KLF13: variants seen among roughly 807,000 people sequenced by gnomAD.
KLF13 encodes KLF transcription factor 13.
Under a neutral mutation model 16.7 loss-of-function variants are expected in KLF13, and 8 were observed. That is an observed-to-expected ratio of 0.48 (90% CI 0.28 to 0.87). The LOEUF is 0.87. Ranked by LOEUF, KLF13 falls within the 40% of genes least tolerant of loss-of-function variation. The pLI is 0.10. For missense variants in KLF13, 447 were observed against 452.2 expected (o/e 0.99, Z 0.10); for synonymous variants, 245 against 208.4 (o/e 1.18, Z -1.51).
rs571452339 is a variant in KLF13, at chr15:31,414,792, GAAGATCA to G, written n.118-20576_118-20570del. ...CTCTCAATGATAGAATGATTAGACA[GAAGATCA>G]ATAAAGAAGTAGAAGAAGACTTGAA... On this transcript the variant is annotated intron_variant and non_coding_transcript_variant, in intron 1 of 1. Transcript: ENST00000558225. Among the ~76,000 whole-genome samples the G allele has an allele frequency of 7.1e-3, 1,078 of 152,214 alleles. 5 individuals carry two copies. Among genetic ancestry groups the G allele is most frequent in the Non-Finnish European group, 0.011 (754 of 68,008 alleles).
chr15:31,397,344 G>A (rs1172786892), intron 2 of KLF13, among the ~76,000 whole-genome samples: 11 of 152,350 alleles, frequency 7.2e-5, no homozygotes, highest in Non-Finnish European at 1.3e-4. Context: ...ATTACCGGGA[G>A]AATAATTACG....
intron 1 of KLF13, chr15:31,340,046 G>T: frequency 5.7e-6 from 4 of 702,384 alleles, no homozygotes; most frequent in Non-Finnish European, 1.0e-5. Flanking sequence ...GACCCAGGTT[G>T]CCCTGGTGGG....
chr15:31,402,247 G>A (rs2140993033), intron 2 of KLF13, among the ~76,000 whole-genome samples: 1 of 152,310 alleles, frequency 6.6e-6, no homozygotes, highest in South Asian at 2.1e-4. Context: ...GAGCCCTCTG[G>A]GAGAAGATGT....
exon 2 of KLF13, chr15:31,393,638 G>A (rs1030972955): frequency 5.9e-5 from 9 of 152,600 alleles, no homozygotes; most frequent in African/African-American, 2.2e-4. Flanking sequence ...CAAGACCAGA[G>A]AGGAAGCAAA....
intron 2 of KLF13, among the ~76,000 whole-genome samples, chr15:31,401,028 G>A (rs1220360580): frequency 6.6e-6 from 1 of 151,792 alleles, no homozygotes; most frequent in African/African-American, 2.4e-5. Context: ...TTTTGAGATG[G>A]GGTTTTGCTT....
chr15:31,369,427 C>T (rs2039523538), intron 1 of KLF13, among the ~76,000 whole-genome samples: 1 of 152,238 alleles, frequency 6.6e-6, no homozygotes, highest in Non-Finnish European at 1.5e-5. Flanking sequence ...CCCCTAGAAC[C>T]GAGCTTGGCT....
At chr15:31,417,493 TC>T (rs751732223) in intron 1 of KLF13, among the ~76,000 whole-genome samples, 4 of 147,006 alleles carry the variant, frequency 2.7e-5, no homozygotes, top group Non-Finnish European at 4.4e-5. Context: ...AGACTCTGTC[TC>T]AAATAAAATA....
At chr15:31,426,065 C>T (rs1301633946) in intron 1 of KLF13, among the ~76,000 whole-genome samples, 1 of 152,180 alleles carries the variant, frequency 6.6e-6, no homozygotes, top group Non-Finnish European at 1.5e-5. Context: ...GTCACCTTTA[C>T]TCCAGTTCCC....
chr15:31,414,923 A>G (rs1227254535), intron 1 of KLF13, among the ~76,000 whole-genome samples: 2 of 152,170 alleles, frequency 1.3e-5, no homozygotes, highest in African/African-American at 2.4e-5. Flanking sequence ...TTGATCCACA[A>G]TGTTGGAAGT....
At chr15:31,408,272 A>G (rs561547308), downstream of KLF13, among the ~76,000 whole-genome samples, 4 of 152,328 alleles carry the variant, frequency 2.6e-5, no homozygotes, top group African/African-American at 9.6e-5. Context: ...TAAAAGATGA[A>G]TTGTTTCTCA....
At chr15:31,360,840 A>G (rs1046591561) in intron 1 of KLF13, among the ~76,000 whole-genome samples, 1 of 152,158 alleles carries the variant, frequency 6.6e-6, no homozygotes, top group Non-Finnish European at 1.5e-5. Flanking sequence ...TTGTTTCGTT[A>G]TATTCTGCTG....
rs11537748 is a variant in KLF13, at chr15:31,376,491, A to G, written c.*4192A>G. 0.45 allele frequency: 68,668 copies of G among 152,364 alleles called. 15,593 individuals carry two copies. The highest frequency in any genetic ancestry group is 0.5 in the African/African-American group (20,643 of 41,476). 9.4% of individuals were successfully genotyped at this position (152,364 alleles called of 1,614,324 possible). On this transcript the variant is annotated 3_prime_UTR_variant, in exon 2 of 2. Coordinates refer to ENST00000307145, the MANE Select transcript of KLF13 (RefSeq NM_015995.4). ...GTTTCCATATACAATTCTGGTCACC[A>G]TATTTTCCAAAGCTAAAATCTGAGG... is the stretch of plus-strand genomic sequence containing the variant.
chr15:31,393,908 TGGG>T (rs899596169), intron 2 of KLF13, among the ~76,000 whole-genome samples: 2 of 151,372 alleles, frequency 1.3e-5, no homozygotes, highest in African/African-American at 4.9e-5. Context: ...GGTGGAGAGG[TGGG>T]GGGACAGGCA....
At chr15:31,349,915 T>C (rs762806176) in intron 1 of KLF13, among the ~76,000 whole-genome samples, 1 of 152,192 alleles carries the variant, frequency 6.6e-6, no homozygotes, top group Non-Finnish European at 1.5e-5. Flanking sequence ...AGTTGAATGG[T>C]ATAAAGTAAC....
chr15:31,365,190 C>T (rs868267860), intron 1 of KLF13, among the ~76,000 whole-genome samples: 1 of 152,244 alleles, frequency 6.6e-6, no homozygotes, highest in South Asian at 2.1e-4. Context: ...GGCCTGGGAG[C>T]CTGAGGGCAA....
chr15:31,405,010 A>C (rs1566839718), downstream of KLF13, among the ~76,000 whole-genome samples: 1 of 152,210 alleles, frequency 6.6e-6, no homozygotes, highest in Non-Finnish European at 1.5e-5. Context: ...GGATAAAACC[A>C]ATGATATGCT....
At chr15:31,393,422 GT>G (rs1464061334) in intron 1 of KLF13, among the ~76,000 whole-genome samples, 3 of 11,976 alleles carry the variant, frequency 2.5e-4, no homozygotes, top group Admixed American at 7.7e-4. Flanking sequence ...CCCCCGGCCC[GT>G]CCCCCCCCCG....
intron 1 of KLF13, among the ~76,000 whole-genome samples, chr15:31,415,711 T>G (rs900458261): frequency 6.6e-6 from 1 of 152,002 alleles, no homozygotes; most frequent in Non-Finnish European, 1.5e-5. Flanking sequence ...ATCAATACTC[T>G]AACCTTTCAC....
At chr15:31,367,719 G>A (rs1308834747) in intron 1 of KLF13, among the ~76,000 whole-genome samples, 1 of 152,206 alleles carries the variant, frequency 6.6e-6, no homozygotes, top group African/African-American at 2.4e-5. Flanking sequence ...ATGACTAAGA[G>A]CAACAATAAC....
Sources: gnomAD v4.1 joint callset for allele counts (sites outside exome capture counted in the v4.1 genomes callset) on GRCh38, gnomAD v4.1.1 for gene constraint, MANE v1.5 for transcripts, NCBI Gene and HGNC (gene_info 2026-07-23, HGNC 2026-07-21) for gene names.